The following DLG2 variants were observed in gnomAD, a reference collection of about 807,000 sequenced individuals.
DLG2 encodes discs large MAGUK scaffold protein 2.
In DLG2, 45 loss-of-function variants were observed where a neutral mutation model predicts 132.5. The ratio of observed to expected loss-of-function variants is 0.34; its 90% confidence interval spans 0.27 to 0.44. The LOEUF is 0.44. DLG2 is among the 20% of genes least tolerant of loss of function. DLG2 has a pLI of 1.00. For synonymous variants in DLG2, 424 were observed against 419.6 expected (o/e 1.01, Z -0.13); for missense variants, 1,045 against 1,196.9 (o/e 0.87, Z 1.87).
At chr11:84,387,475 A>G (rs2098775511) in intron 7 of DLG2, among the ~76,000 whole-genome samples, 1 of 152,140 alleles carries the variant, frequency 6.6e-6, no homozygotes, top group Non-Finnish European at 1.5e-5. Context: ...TAAATAGCCA[A>G]CTATGGTCAG....
chr11:85,444,422 G>T (rs1157848711), intron 3 of DLG2, among the ~76,000 whole-genome samples: 8 of 152,250 alleles, frequency 5.3e-5, no homozygotes, highest in Non-Finnish European at 8.8e-5. Flanking sequence ...ATATCAGTTT[G>T]TTTTCAGGAT....
intron 4 of DLG2, among the ~76,000 whole-genome samples, chr11:85,155,296 C>T (rs1290828095): frequency 6.6e-6 from 1 of 152,182 alleles, no homozygotes; most frequent in African/African-American, 2.4e-5. Context: ...TGTTGATAGT[C>T]TACTGCTGTT....
chr11:85,426,926 C>T (rs374828741), intron 3 of DLG2, among the ~76,000 whole-genome samples: 2 of 152,038 alleles, frequency 1.3e-5, no homozygotes. Flanking sequence ...GCAGAGAAGT[C>T]CTTAAAGGAC....
At chr11:85,591,320 A>C (rs538163203) in intron 3 of DLG2, among the ~76,000 whole-genome samples, 1 of 152,374 alleles carries the variant, frequency 6.6e-6, no homozygotes, top group African/African-American at 2.4e-5. Flanking sequence ...AACTCCTAGA[A>C]GACATTTTAA....
In DLG2 at chr11:84,821,679, A is replaced by C. The variant is rs1244135861; in HGVS notation, c.358-286948T>G. ...AAAAAACAAAAAAACAACTTTGGTTAAACTTCTAGTCATTTTTTGTTGTTG... is the reference window on the plus strand; with the variant it reads ...AAAAAACAAAAAAACAACTTTGGTTCAACTTCTAGTCATTTTTTGTTGTTG... On this transcript the variant is annotated intron_variant, in intron 6 of 27. Coordinates refer to ENST00000376104, the MANE Select transcript of DLG2 (RefSeq NM_001142699.3). Among the ~76,000 whole-genome samples the C allele has an allele frequency of 3.3e-5, 5 of 151,312 alleles. No individual in the cohort carries two copies. The East Asian group carries it at 5.9e-4, about 18-fold the overall frequency.
At chr11:85,206,220 C>T (rs2081882670) in intron 4 of DLG2, among the ~76,000 whole-genome samples, 1 of 152,134 alleles carries the variant, frequency 6.6e-6, no homozygotes, top group Non-Finnish European at 1.5e-5. Context: ...GAGGCTTTCC[C>T]AGAACCAGGT....
intron 9 of DLG2, among the ~76,000 whole-genome samples, chr11:84,138,546 G>A (rs1428806407): frequency 1.3e-5 from 2 of 152,196 alleles, no homozygotes; most frequent in Non-Finnish European, 2.9e-5. Flanking sequence ...AACTAACACT[G>A]ACACAAGTTT....
intron 6 of DLG2, among the ~76,000 whole-genome samples, chr11:84,798,751 G>C (rs1247447740): frequency 6.6e-6 from 1 of 152,170 alleles, no homozygotes; most frequent in East Asian, 1.9e-4. Flanking sequence ...ATTACTGTTG[G>C]TTATTCAGGG....
At chr11:84,472,478 A>G (rs1331073219) in intron 7 of DLG2, among the ~76,000 whole-genome samples, 3 of 151,982 alleles carry the variant, frequency 2.0e-5, no homozygotes, top group Admixed American at 6.6e-5. Flanking sequence ...TTTGGCACAG[A>G]CTTTATAAGA....
At chr11:85,359,479 T>C (rs567262810) in intron 3 of DLG2, among the ~76,000 whole-genome samples, 2 of 152,344 alleles carry the variant, frequency 1.3e-5, no homozygotes, top group Non-Finnish European at 1.5e-5. Context: ...CTGGTCATTA[T>C]AATTTGTTCA....
rs557570065 is a variant in DLG2, at chr11:84,545,665, C to A, written c.358-10934G>T. On this transcript the variant is annotated intron_variant, in intron 6 of 27. Transcript: ENST00000376104. The stretch of plus-strand genomic sequence containing the variant: ...CCTTAAGAGTTACAAAGGCAAAATC[C>A]CTTTGCTTGCCACTGCCTCGGTCAT... 1.5e-4 allele frequency: 44 copies of A among 286,014 alleles called. No individual in the cohort carries two copies. The South Asian group carries it at 1.9e-3, about 12-fold the overall frequency. The allele number at this position is 286,014 out of a possible 1,614,324, so 17.7% of individuals were successfully genotyped here. A position where few individuals can be genotyped will look rare whatever the true frequency, so the allele number is the denominator to read the frequency against.
At chr11:83,790,101 G>A (rs1431382603) in intron 17 of DLG2, 6 of 977,144 alleles carry the variant, frequency 6.1e-6, no homozygotes, top group South Asian at 3.4e-5. Context: ...TGCATGAACC[G>A]AGACACTGGC....
intron 6 of DLG2, among the ~76,000 whole-genome samples, chr11:84,763,075 CA>C (rs1232343843): frequency 6.6e-6 from 1 of 152,158 alleles, no homozygotes; most frequent in African/African-American, 2.4e-5. Flanking sequence ...ATTATTTGAC[CA>C]ATTTATTTGG....
intron 18 of DLG2, among the ~76,000 whole-genome samples, chr11:83,733,240 C>CAAAAA (rs71066061): frequency 2.4e-4 from 11 of 46,172 alleles, no homozygotes; most frequent in African/African-American, 3.0e-4. Context: ...GACCCCATCT[C>CAAAAA]AAAAAAAAAA....
intron 8 of DLG2, among the ~76,000 whole-genome samples, chr11:84,229,193 A>T (rs568045363): frequency 6.6e-6 from 1 of 152,318 alleles, no homozygotes; most frequent in African/African-American, 2.4e-5. Context: ...TATAAACCAG[A>T]AAAAGAAGAA....
chr11:84,861,650 A>AAAAAC (rs1344450913), intron 6 of DLG2, among the ~76,000 whole-genome samples: 1 of 145,856 alleles, frequency 6.9e-6, no homozygotes, highest in African/African-American at 2.5e-5. Flanking sequence ...CAAAAAAAAA[A>AAAAAC]ACCTATCAGA....
intron 3 of DLG2, among the ~76,000 whole-genome samples, chr11:85,335,539 T>C (rs1275409667): frequency 6.6e-6 from 1 of 152,226 alleles, no homozygotes; most frequent in East Asian, 1.9e-4. Flanking sequence ...CTCTTTGTAA[T>C]GGCAAGTACT....
At position 85,117,552 on chromosome 11, in the gene DLG2, T is replaced by C. The variant is rs191232206; in HGVS notation, c.283-5817A>G. Among the ~76,000 whole-genome samples, 310 of 150,092 alleles carry C rather than the reference T, an allele frequency of 2.1e-3. 3 individuals carry two copies. The highest frequency in any genetic ancestry group is 7.4e-3 in the African/African-American group (299 of 40,600). ...GAACTTTCCTTGTCTCCTTTTCTTATTTCCCTCTTATGCTCCAAACTTGGA... is the reference window on the plus strand; with the variant it reads ...GAACTTTCCTTGTCTCCTTTTCTTACTTCCCTCTTATGCTCCAAACTTGGA... On this transcript the variant is annotated intron_variant, in intron 5 of 27. Transcript: ENST00000376104.
At chr11:84,756,140 A>G (rs1233101248) in intron 6 of DLG2, among the ~76,000 whole-genome samples, 1 of 152,244 alleles carries the variant, frequency 6.6e-6, no homozygotes, top group Non-Finnish European at 1.5e-5. Flanking sequence ...CATTTCCACA[A>G]TGGAATATGT....
Sources: allele counts gnomAD v4.1 joint callset (sites outside exome capture counted in the v4.1 genomes callset), GRCh38; gene constraint gnomAD v4.1.1; transcripts MANE v1.5; gene names NCBI Gene and HGNC (gene_info 2026-07-23, HGNC 2026-07-21).